ZMIZ1: variants seen among roughly 807,000 people sequenced by gnomAD.
ZMIZ1 encodes zinc finger MIZ-type containing 1.
ZMIZ1 carries 17 observed loss-of-function variants against 113.9 expected under a neutral mutation model. That is an observed-to-expected ratio of 0.15 (90% CI 0.10 to 0.22). The LOEUF is 0.22. ZMIZ1 is among the 10% of genes least tolerant of loss of function. ZMIZ1 has a pLI of 1.00. For synonymous variants in ZMIZ1, 607 were observed against 603.1 expected, an observed-to-expected ratio of 1.01 and a Z score of -0.09; for missense variants, 1,059 against 1,477.8, an observed-to-expected ratio of 0.72 and a Z score of 4.65.
At chr10:79,075,978 A>C (rs1463685138) in intron 1 of ZMIZ1, among the ~76,000 whole-genome samples, 3 of 152,132 alleles carry the variant, frequency 2.0e-5, no homozygotes, top group East Asian at 1.9e-4. Flanking sequence ...GGATCTTCCC[A>C]CTTAGGTCCT....
chr10:79,292,633 T>C (rs1465737336), intron 11 of ZMIZ1: 4 of 527,786 alleles, frequency 7.6e-6, no homozygotes, highest in Non-Finnish European at 1.4e-5. Context: ...CAACTGCATA[T>C]GGGGAAAAGG....
At chr10:79,179,087 G>A (rs1184337307) in intron 4 of ZMIZ1, among the ~76,000 whole-genome samples, 1 of 152,214 alleles carries the variant, frequency 6.6e-6, no homozygotes, top group Non-Finnish European at 1.5e-5. Context: ...TCTCTGTGCT[G>A]CAGGCCAGGA....
chr10:79,133,982 G>C (rs889157333), intron 2 of ZMIZ1, among the ~76,000 whole-genome samples: 6 of 152,198 alleles, frequency 3.9e-5, no homozygotes, highest in African/African-American at 1.4e-4. Context: ...TACTATATTT[G>C]TTCTATGTAA....
intron 7 of ZMIZ1, among the ~76,000 whole-genome samples, chr10:79,218,167 C>T (rs543503785): frequency 1.3e-5 from 2 of 152,202 alleles, no homozygotes; most frequent in South Asian, 2.1e-4. Context: ...GCTGGTTCCA[C>T]GAAAACTTTA....
Position 79,242,123 on chromosome 10 carries a change from T to A in ZMIZ1, c.280+25849T>A, listed in dbSNP as rs377318947. Among the ~76,000 whole-genome samples, 37 of 145,908 alleles carry A rather than the reference T, an allele frequency of 2.5e-4. No homozygotes were observed. The East Asian group carries it at 3.9e-3, about 15-fold the overall frequency. Reference sequence around the variant, plus strand: ...CGAAAGAGGAAGGGGCGAAGATCTCTGGAGGTGGGACAGCAGGTGGGCTTC... The same window carrying A: ...CGAAAGAGGAAGGGGCGAAGATCTCAGGAGGTGGGACAGCAGGTGGGCTTC... On this transcript the variant is annotated intron_variant, in intron 7 of 24. Transcript: ENST00000334512.
intron 8 of ZMIZ1, among the ~76,000 whole-genome samples, chr10:79,281,932 C>G (rs989721770): frequency 2.0e-5 from 3 of 152,154 alleles, no homozygotes; most frequent in African/African-American, 7.2e-5. Flanking sequence ...GTTGTTAACC[C>G]AATTTGGAGG....
Position 79,151,917 on chromosome 10 carries a change from G to T in ZMIZ1, c.-130-10136G>T, listed in dbSNP as rs1215821551. Among the ~76,000 whole-genome samples, 2 of 152,176 alleles carry T rather than the reference G, an allele frequency of 1.3e-5. 1 individual carries two copies. Among genetic ancestry groups the T allele is most frequent in the South Asian group, 4.1e-4 (2 of 4,838 alleles). Reference sequence around the variant, plus strand: ...CTGGGCCTGTGTGTCATCTGGCTGCGTGCTGTGCTGGCTCCTCCCGCCTGT... The same window carrying T: ...CTGGGCCTGTGTGTCATCTGGCTGCTTGCTGTGCTGGCTCCTCCCGCCTGT... On this transcript the variant is annotated intron_variant, in intron 3 of 24. Transcript: ENST00000334512.
chr10:79,118,601 G>A lies in ZMIZ1; in HGVS notation c.-336-314G>A, dbSNP rs1035858176. On this transcript the variant is annotated intron_variant, in intron 1 of 24. Coordinates refer to ENST00000334512, the MANE Select transcript of ZMIZ1 (RefSeq NM_020338.4). The surrounding 1 kb of genome is among the most constrained non-coding windows in gnomAD (Gnocchi z 4.1). ...GCACCCAGCGTGTGCCAAGGCCGGA[G>A]CCAGGGGCTCTGGGAGGCCGGGCTG... 6.6e-6 allele frequency among the ~76,000 whole-genome samples: 1 copy of A among 152,252 alleles called. No individual in the cohort carries two copies. The highest frequency in any genetic ancestry group is 1.5e-5 in the Non-Finnish European group (1 of 68,044).
intron 1 of ZMIZ1, among the ~76,000 whole-genome samples, chr10:79,110,426 C>A (rs950620848): frequency 6.6e-6 from 1 of 152,218 alleles, no homozygotes; most frequent in Admixed American, 6.5e-5. Context: ...GAGGTTTAAT[C>A]TGTGTTTCCA....
chr10:79,181,053 C>G lies in ZMIZ1; in HGVS notation c.-50+18920C>G, dbSNP rs546167782. On this transcript the variant is annotated intron_variant, in intron 4 of 24. Transcript: ENST00000334512. ...CACGAGGGAGTCAGGACAGTGTGGCCGTGTGTGGGATGTTCCTTTCCCAGG... is the reference window on the plus strand; with the variant it reads ...CACGAGGGAGTCAGGACAGTGTGGCGGTGTGTGGGATGTTCCTTTCCCAGG... 3.3e-5 allele frequency among the ~76,000 whole-genome samples: 5 copies of G among 152,294 alleles called. No homozygotes were observed. The South Asian group carries it at 1.0e-3, about 32-fold the overall frequency.
At position 79,296,701 on chromosome 10, in the gene ZMIZ1, C is replaced by T. The variant is rs764020071; in HGVS notation, c.1413+48C>T. ...CCCACGGGGCCCCTTCCCTCCTAACCACCTCACTCCCCTAACTCCACCGGG... is the reference window on the plus strand; with the variant it reads ...CCCACGGGGCCCCTTCCCTCCTAACTACCTCACTCCCCTAACTCCACCGGG... On this transcript the variant is annotated intron_variant, in intron 13 of 24. Transcript: ENST00000334512. The surrounding 1 kb of genome is among the most constrained non-coding windows in gnomAD (Gnocchi z 4.1). 6.7e-7 allele frequency: 1 copy of T among 1,493,782 alleles called. No individual in the cohort carries two copies. 92.5% of individuals were successfully genotyped at this position (1,493,782 alleles called of 1,614,324 possible). A position where few individuals can be genotyped will look rare whatever the true frequency, so the allele number is the denominator to read the frequency against.
chr10:79,107,496 T>A (rs570453142), intron 1 of ZMIZ1, among the ~76,000 whole-genome samples: 3 of 152,168 alleles, frequency 2.0e-5, no homozygotes, highest in Non-Finnish European at 4.4e-5. Flanking sequence ...GGTGGATTGA[T>A]CAGAGTTGCT....
At chr10:79,080,496 A>T (rs1210979859) in intron 1 of ZMIZ1, among the ~76,000 whole-genome samples, 2 of 151,454 alleles carry the variant, frequency 1.3e-5, no homozygotes, top group Admixed American at 6.6e-5. Flanking sequence ...TTTAGTAGAG[A>T]CGGGGTTTTG....
chr10:79,194,987 C>T (rs567377098), intron 4 of ZMIZ1, among the ~76,000 whole-genome samples: 17 of 152,290 alleles, frequency 1.1e-4, no homozygotes, highest in African/African-American at 2.2e-4. Context: ...CCCAGCCAAG[C>T]GTAAGGTGCA....
intron 1 of ZMIZ1, among the ~76,000 whole-genome samples, chr10:79,075,533 G>C (rs1022201639): frequency 6.7e-6 from 1 of 149,346 alleles, no homozygotes; most frequent in Non-Finnish European, 1.5e-5. Context: ...CCCCAGCCCT[G>C]TGTGTGTGCA....
chr10:79,087,513 T>C (rs1842855197), intron 1 of ZMIZ1, among the ~76,000 whole-genome samples: 1 of 152,220 alleles, frequency 6.6e-6, no homozygotes, highest in South Asian at 2.1e-4. Context: ...CCACCTCTCC[T>C]GTCTACATCC....
At chr10:79,165,258 G>A (rs1286120378) in intron 4 of ZMIZ1, among the ~76,000 whole-genome samples, 1 of 152,160 alleles carries the variant, frequency 6.6e-6, no homozygotes, top group Non-Finnish European at 1.5e-5. Context: ...TCCCCTGCCT[G>A]GGTGAGCTCA....
rs1196703053 is a variant in ZMIZ1, at chr10:79,312,869, G to A, written c.*120G>A. The A allele has an allele frequency of 1.1e-6, 1 of 909,050 alleles. No homozygotes were observed. Among genetic ancestry groups the A allele is most frequent in the Admixed American group, 2.5e-5 (1 of 39,662 alleles). 56.3% of individuals were successfully genotyped at this position (909,050 alleles called of 1,614,324 possible). A position where few individuals can be genotyped will look rare whatever the true frequency, so the allele number is the denominator to read the frequency against. On this transcript the variant is annotated 3_prime_UTR_variant, in exon 25 of 25. Transcript: ENST00000334512. ...CCCGCACCAGAGCCACGGGCTGTGG[G>A]GCGGGGAGCCCTCCCCCGCTGCAGC...
intron 3 of ZMIZ1, among the ~76,000 whole-genome samples, chr10:79,157,289 T>C (rs866995555): frequency 6.6e-6 from 1 of 151,372 alleles, no homozygotes; most frequent in Non-Finnish European, 1.5e-5. Context: ...GCTACCAGGG[T>C]TATTGAGGAA....
Sources: allele counts gnomAD v4.1 joint callset (sites outside exome capture counted in the v4.1 genomes callset), GRCh38; gene constraint gnomAD v4.1.1; non-coding constraint Gnocchi (gnomAD v3.1); transcripts MANE v1.5; gene names NCBI Gene and HGNC (gene_info 2026-07-23, HGNC 2026-07-21).